SAMD4A: variants seen among roughly 807,000 people sequenced by gnomAD.
SAMD4A encodes protein Smaug homolog 1.
In SAMD4A, 33 loss-of-function variants were observed where a neutral mutation model predicts 81.3. The ratio of observed to expected loss-of-function variants is 0.41; its 90% CI spans 0.31 to 0.54. The LOEUF is 0.54. Among genes scored for constraint, SAMD4A ranks in the 20% least tolerant of loss-of-function variants. SAMD4A has a pLI of 0.37. For synonymous variants in SAMD4A, 389 were observed against 382.1 expected, an observed-to-expected ratio of 1.02 and a Z score of -0.21; for missense variants, 854 against 951.1, an observed-to-expected ratio of 0.90 and a Z score of 1.34.
At chr14:54,590,024 G>A (rs2033731539) in intron 2 of SAMD4A, among the ~76,000 whole-genome samples, 2 of 152,306 alleles carry the variant, frequency 1.3e-5, no homozygotes, top group South Asian at 4.1e-4. Flanking sequence ...CATGAGATGA[G>A]GGTGCTGTCG....
intron 3 of SAMD4A, among the ~76,000 whole-genome samples, chr14:54,736,402 C>A (rs200646652): frequency 6.6e-6 from 1 of 152,146 alleles, no homozygotes; most frequent in African/African-American, 2.4e-5. Context: ...GCCCTTTCAC[C>A]GACAGGTAGC....
chr14:54,733,416 T>G (rs2037609257), intron 3 of SAMD4A, among the ~76,000 whole-genome samples: 1 of 152,230 alleles, frequency 6.6e-6, no homozygotes, highest in Non-Finnish European at 1.5e-5. Context: ...TATACAATTA[T>G]TAAATGTTGG....
chr14:54,744,076 G>T (rs1004481257), intron 4 of SAMD4A, among the ~76,000 whole-genome samples: 2 of 152,154 alleles, frequency 1.3e-5, no homozygotes, highest in African/African-American at 4.8e-5. Flanking sequence ...AGTCTGGCTT[G>T]CTGTGGTGAA....
intron 2 of SAMD4A, among the ~76,000 whole-genome samples, chr14:54,690,563 C>A (rs957875186): frequency 3.9e-5 from 6 of 152,106 alleles, no homozygotes; most frequent in African/African-American, 1.2e-4. Context: ...TATTTCTCTA[C>A]CCCATTGGTC....
intron 2 of SAMD4A, among the ~76,000 whole-genome samples, chr14:54,607,637 G>A (rs2034247434): frequency 6.6e-6 from 1 of 151,590 alleles, no homozygotes. Context: ...TCTATTTTTA[G>A]TAGAGACAGG....
chr14:54,673,077 T>C (rs2035919250), intron 2 of SAMD4A, among the ~76,000 whole-genome samples: 1 of 152,258 alleles, frequency 6.6e-6, no homozygotes, highest in Non-Finnish European at 1.5e-5. Flanking sequence ...GGGAAGTATT[T>C]GCTGATTTGG....
At chr14:54,664,434 G>A (rs549546740) in intron 2 of SAMD4A, among the ~76,000 whole-genome samples, 1 of 152,254 alleles carries the variant, frequency 6.6e-6, no homozygotes, top group South Asian at 2.1e-4. Context: ...TCACTCAACA[G>A]GTTACCAGAG....
chr14:54,770,936 T>C (rs1359970944), intron 9 of SAMD4A, among the ~76,000 whole-genome samples: 4 of 152,192 alleles, frequency 2.6e-5, no homozygotes, highest in Admixed American at 2.0e-4. Flanking sequence ...GGAATGAGAA[T>C]GTAAACATCC....
At chr14:54,656,119 G>A (rs1037203097) in intron 2 of SAMD4A, among the ~76,000 whole-genome samples, 7 of 152,066 alleles carry the variant, frequency 4.6e-5, no homozygotes, top group Non-Finnish European at 8.8e-5. Context: ...GTGGAAAAAC[G>A]AACACAAATC....
intron 2 of SAMD4A, among the ~76,000 whole-genome samples, chr14:54,617,649 A>G (rs2140290259): frequency 6.6e-6 from 1 of 152,310 alleles, no homozygotes; most frequent in Admixed American, 6.5e-5. Flanking sequence ...GATTAATTTT[A>G]AGAAATCTTT....
intron 2 of SAMD4A, among the ~76,000 whole-genome samples, chr14:54,589,770 T>A (rs2033724267): frequency 6.6e-6 from 1 of 152,220 alleles, no homozygotes; most frequent in Non-Finnish European, 1.5e-5. Flanking sequence ...TTGTTAATCA[T>A]GATATCTTTA....
intron 2 of SAMD4A, among the ~76,000 whole-genome samples, chr14:54,699,872 C>G (rs1022358101): frequency 2.6e-5 from 4 of 152,164 alleles, no homozygotes; most frequent in East Asian, 1.9e-4. Context: ...CAATTCTGTT[C>G]TTCTCCACGT....
intron 2 of SAMD4A, among the ~76,000 whole-genome samples, chr14:54,657,667 C>G (rs1178127892): frequency 6.6e-6 from 1 of 152,174 alleles, no homozygotes; most frequent in Non-Finnish European, 1.5e-5. Context: ...TGATGTGGTC[C>G]ATGTAAAATG....
chr14:54,768,078 C>A (rs2038599462), intron 8 of SAMD4A, among the ~76,000 whole-genome samples: 2 of 152,326 alleles, frequency 1.3e-5, no homozygotes, highest in South Asian at 4.1e-4. Context: ...ATGAAATGAG[C>A]CCTTTACTCC....
chr14:54,760,255 C>G lies in SAMD4A; in HGVS notation c.1271C>G (p.Thr424Ser), dbSNP rs563847886. Reference protein sequence around the residue: ...PIKAYSSPSTTPEARRREPQA... With the variant: ...PIKAYSSPSTSPEARRREPQA... Reference sequence around the variant, plus strand: ...AAGGCCTACAGCTCCCCGAGCACCACCCCCGAGGCTCGCCGCCGGGAGCCC... The same window carrying G: ...AAGGCCTACAGCTCCCCGAGCACCAGCCCCGAGGCTCGCCGCCGGGAGCCC... The change falls in exon 7 of 13, where the codon ACC becomes AGC. Residue 424 changes from threonine to serine, a missense_variant. By Grantham distance (58) the Thr-to-Ser change is moderately conservative (BLOSUM62 1). Transcript: ENST00000554335. The G allele has an allele frequency of 2.0e-5, 33 of 1,613,084 alleles. No homozygotes were observed. The East Asian group carries it at 7.1e-4, about 35-fold the overall frequency.
At chr14:54,666,769 G>T (rs866126897) in intron 2 of SAMD4A, among the ~76,000 whole-genome samples, 38 of 152,162 alleles carry the variant, frequency 2.5e-4, no homozygotes, top group African/African-American at 8.2e-4. Context: ...AATTGACAGG[G>T]AGCATTAACC....
At chr14:54,688,430 G>T (rs767406256) in intron 2 of SAMD4A, 25 of 922,886 alleles carry the variant, frequency 2.7e-5, no homozygotes, top group Non-Finnish European at 3.2e-5. Flanking sequence ...CTGTGGTAAA[G>T]ATGCTTTAAA....
chr14:54,633,747 C>T (rs1479023416), intron 2 of SAMD4A, among the ~76,000 whole-genome samples: 1 of 152,164 alleles, frequency 6.6e-6, no homozygotes, highest in Non-Finnish European at 1.5e-5. Flanking sequence ...ATAATCTCTT[C>T]TCTCTCTGCT....
rs551431305 is a variant in SAMD4A, at chr14:54,748,168, C to G, written c.980-647C>G. 1.1e-4 allele frequency among the ~76,000 whole-genome samples: 17 copies of G among 152,270 alleles called. No homozygotes were observed. In the East Asian group the frequency reaches 2.5e-3, roughly 23 times the overall value. ...TTGGAGAAATGGTCAGCGGACACAC[C>G]CCCACGACAGAAAGAGTTTTGGGGA... On this transcript the variant is annotated intron_variant, in intron 4 of 12. Transcript: ENST00000554335.
Sources: gnomAD v4.1 joint callset for allele counts (sites outside exome capture counted in the v4.1 genomes callset) on GRCh38, gnomAD v4.1.1 for gene constraint, MANE v1.5 for transcripts, NCBI Gene and HGNC (gene_info 2026-07-23, HGNC 2026-07-21) for gene names.